The following SKP2 variants were observed in gnomAD, a reference collection of about 807,000 sequenced individuals.
SKP2 encodes S-phase kinase associated protein 2.
A neutral mutation model predicts 51.8 loss-of-function variants in SKP2; 16 were observed. The observed-to-expected ratio is 0.31, with a 90% CI of 0.21 to 0.47. The LOEUF is 0.47. Among genes scored for constraint, SKP2 ranks in the 20% least tolerant of loss-of-function variants. The pLI, the probability that SKP2 is intolerant of heterozygous loss-of-function variation, is 1.00. For synonymous variants in SKP2, 176 were observed against 198.6 expected, an observed-to-expected ratio of 0.89 and a Z score of 0.96; for missense variants, 377 against 505.3, an observed-to-expected ratio of 0.75 and a Z score of 2.43.
intron 4 of SKP2, among the ~76,000 whole-genome samples, chr5:36,167,898 G>A (rs1285425429): frequency 2.6e-5 from 4 of 152,140 alleles, no homozygotes; most frequent in East Asian, 1.9e-4. Flanking sequence ...GATTACAGGC[G>A]TGAGCCACTG....
chr5:36,187,341 T>G (rs1178033488), downstream of SKP2, among the ~76,000 whole-genome samples: 1 of 152,232 alleles, frequency 6.6e-6, no homozygotes, highest in East Asian at 1.9e-4. Flanking sequence ...GTATCAATTC[T>G]AGATCTTTCC....
At chr5:36,158,721 G>C (rs145526765) in intron 2 of SKP2, among the ~76,000 whole-genome samples, 2 of 152,302 alleles carry the variant, frequency 1.3e-5, no homozygotes, top group East Asian at 3.9e-4. Flanking sequence ...GAACCCACTA[G>C]GATGGAAAGG....
At chr5:36,154,160 C>T (rs1017811756) in intron 2 of SKP2, among the ~76,000 whole-genome samples, 1 of 152,058 alleles carries the variant, frequency 6.6e-6, no homozygotes, top group Non-Finnish European at 1.5e-5. Flanking sequence ...AGAGGGAATG[C>T]AGGTCTTGGG....
chr5:36,152,697 G>C, intron 1 of SKP2, 74 bp from the exon 2 acceptor site: 2 of 1,501,266 alleles, frequency 1.3e-6, no homozygotes, highest in South Asian at 1.2e-5. Flanking sequence ...ATAAACTGCA[G>C]CTTCTTTAAT....
intron 2 of SKP2, among the ~76,000 whole-genome samples, chr5:36,158,741 G>C (rs1745030979): frequency 6.6e-6 from 1 of 152,322 alleles, no homozygotes; most frequent in African/African-American, 2.4e-5. Flanking sequence ...GGCATGATTT[G>C]AAATCAGACC....
intron 6 of SKP2, among the ~76,000 whole-genome samples, chr5:36,190,335 C>G (rs1163573580): frequency 6.6e-6 from 1 of 152,194 alleles, no homozygotes; most frequent in Non-Finnish European, 1.5e-5. Context: ...TAGACTGGAG[C>G]TGTTCCTATT....
chr5:36,167,031 T>TA (rs1376135789), intron 4 of SKP2, among the ~76,000 whole-genome samples: 2 of 151,722 alleles, frequency 1.3e-5, no homozygotes, highest in Non-Finnish European at 2.9e-5. Context: ...TTCTGATAAA[T>TA]AAAAAAAAGT....
At chr5:36,191,104 C>T (rs746882253) in intron 6 of SKP2, among the ~76,000 whole-genome samples, 19 of 152,118 alleles carry the variant, frequency 1.2e-4, no homozygotes, top group Admixed American at 4.6e-4. Flanking sequence ...CTGGATTTTG[C>T]GTCTATCCCT....
In SKP2 at chr5:36,152,154, G is replaced by C. The variant is rs1744744519; in HGVS notation, c.-109G>C. 1 of 1,160,582 alleles carries C rather than the reference G, an allele frequency of 8.6e-7. No homozygotes were observed. Among genetic ancestry groups the C allele is most frequent in the Non-Finnish European group, 1.3e-6 (1 of 771,300 alleles). The allele number at this position is 1,160,582 out of a possible 1,614,324, so 71.9% of individuals were successfully genotyped here. The stretch of plus-strand genomic sequence containing the variant: ...CTAGGCTTAGCGGGTCTGGCTGCTG[G>C]GGGCCCGAGCAGCACGCTCGGAGCC... On this transcript the variant is annotated 5_prime_UTR_variant, in exon 1 of 10. Transcript: ENST00000274255.
chr5:36,168,262 A>G (rs780249206), intron 4 of SKP2, 51 bp from the exon 5 acceptor site: 17 of 1,582,260 alleles, frequency 1.1e-5, no homozygotes, highest in Admixed American at 3.6e-5. Context: ...TTGAAATTGG[A>G]TGTACCCGTG....
intron 6 of SKP2, among the ~76,000 whole-genome samples, chr5:36,171,378 G>A (rs977426052): frequency 2.0e-5 from 3 of 152,096 alleles, no homozygotes; most frequent in East Asian, 3.9e-4. Flanking sequence ...TCTCCATTTC[G>A]AGGAGGAGGC....
chr5:36,176,230 T>C (rs1745628064), intron 7 of SKP2, among the ~76,000 whole-genome samples: 1 of 151,966 alleles, frequency 6.6e-6, no homozygotes, highest in Non-Finnish European at 1.5e-5. Flanking sequence ...CTATTTTTGA[T>C]TTATCTTTTT....
At chr5:36,165,948 A>G (rs1053411804) in intron 3 of SKP2, among the ~76,000 whole-genome samples, 3 of 152,224 alleles carry the variant, frequency 2.0e-5, no homozygotes, top group African/African-American at 7.2e-5. Context: ...ATATGTACAC[A>G]TACATATACA....
downstream of SKP2, among the ~76,000 whole-genome samples, chr5:36,187,980 C>T (rs1417864732): frequency 2.0e-5 from 3 of 152,140 alleles, no homozygotes; most frequent in Non-Finnish European, 4.4e-5. Context: ...ATCCCTTTAC[C>T]ATTATGTAAT....
At chr5:36,190,231 ACCCACTGTCCG>A (rs1745995379) in intron 6 of SKP2, among the ~76,000 whole-genome samples, 3 of 150,654 alleles carry the variant, frequency 2.0e-5, no homozygotes, top group South Asian at 4.2e-4. Context: ...ACTGTCCTGC[ACCCACTGTCCG>A]ACACCCCCAG....
At chr5:36,185,234 C>A (rs1377557977), downstream of SKP2, among the ~76,000 whole-genome samples, 1 of 152,138 alleles carries the variant, frequency 6.6e-6, no homozygotes, top group Non-Finnish European at 1.5e-5. Context: ...ATGGTAGTTT[C>A]TTTTGCTGTG....
Position 36,152,194 on chromosome 5 carries a change from C to CGGGAA in SKP2, c.-68_-64dup, listed in dbSNP as rs1355355428. On this transcript the variant is annotated 5_prime_UTR_variant, in exon 1 of 10. Transcript: ENST00000274255. The stretch of plus-strand genomic sequence containing the variant: ...CGCTCGGAGCCGCCGCGCGCCAAAG[C>CGGGAA]GGGAATCTGGGAGGCGAGCAGCTCT... 1.0e-5 allele frequency: 16 copies of CGGGAA among 1,578,640 alleles called. 1 individual carries two copies. Among genetic ancestry groups the CGGGAA allele is most frequent in the Non-Finnish European group, 1.4e-5 (16 of 1,148,850 alleles).
At chr5:36,164,891 A>G (rs145683798) in intron 3 of SKP2, among the ~76,000 whole-genome samples, 20 of 152,330 alleles carry the variant, frequency 1.3e-4, no homozygotes, top group Non-Finnish European at 2.5e-4. Context: ...ATTATCTCAC[A>G]TAGTTACCTA....
chr5:36,160,141 C>G (rs1202734873), intron 2 of SKP2, among the ~76,000 whole-genome samples: 1 of 152,098 alleles, frequency 6.6e-6, no homozygotes, highest in Non-Finnish European at 1.5e-5. Flanking sequence ...AGTAACTTGC[C>G]CAAGTTCACA....
Sources: allele counts gnomAD v4.1 joint callset (sites outside exome capture counted in the v4.1 genomes callset), GRCh38; gene constraint gnomAD v4.1.1; transcripts MANE v1.5; gene names NCBI Gene and HGNC (gene_info 2026-07-23, HGNC 2026-07-21).